The following PTPRK variants were observed in gnomAD, a reference collection of about 807,000 sequenced individuals.
PTPRK encodes protein tyrosine phosphatase receptor type K.
In PTPRK, 75 loss-of-function variants were observed where a neutral mutation model predicts 178.0. That is an observed-to-expected ratio of 0.42 (90% CI 0.35 to 0.51). PTPRK has a LOEUF of 0.51. PTPRK is among the 20% of genes least tolerant of loss of function. PTPRK has a pLI of 0.02. For synonymous variants in PTPRK, 637 were observed against 620.6 expected, an observed-to-expected ratio of 1.03 and a Z score of -0.39; for missense variants, 1,441 against 1,797.8, an observed-to-expected ratio of 0.80 and a Z score of 3.59.
At chr6:128,340,827 T>C (rs769348986) in intron 2 of PTPRK, 1 of 466,876 alleles carries the variant, frequency 2.1e-6, no homozygotes. Context: ...GAAACATCAT[T>C]TGAGTTAATG....
At chr6:127,973,461 T>C (rs1380109839) in intron 28 of PTPRK, among the ~76,000 whole-genome samples, 1 of 152,214 alleles carries the variant, frequency 6.6e-6, no homozygotes, top group Non-Finnish European at 1.5e-5. Flanking sequence ...AGAGTTTAAA[T>C]AATATAGCTA....
chr6:128,155,852 T>C (rs1583254706), intron 7 of PTPRK, among the ~76,000 whole-genome samples: 2 of 151,820 alleles, frequency 1.3e-5, no homozygotes, highest in Admixed American at 6.6e-5. Context: ...TCAAATGTGG[T>C]ATCAGTCATT....
At chr6:128,026,976 T>C (rs1774419614) in intron 13 of PTPRK, among the ~76,000 whole-genome samples, 1 of 152,132 alleles carries the variant, frequency 6.6e-6, no homozygotes, top group East Asian at 1.9e-4. Flanking sequence ...TCAATTTCAG[T>C]GCTATATATG....
At chr6:128,200,231 GT>G in intron 6 of PTPRK, among the ~76,000 whole-genome samples, 1 of 152,210 alleles carries the variant, frequency 6.6e-6, no homozygotes, top group South Asian at 2.1e-4. Flanking sequence ...CATTGCCACT[GT>G]TAGTTCAGAG....
chr6:128,201,437 T>C (rs1805933675), intron 6 of PTPRK, among the ~76,000 whole-genome samples: 1 of 152,210 alleles, frequency 6.6e-6, no homozygotes, highest in African/African-American at 2.4e-5. Flanking sequence ...TGTGCGTATG[T>C]TTACAGTAGT....
chr6:128,149,267 C>T (rs753651185), intron 7 of PTPRK, among the ~76,000 whole-genome samples: 4 of 151,516 alleles, frequency 2.6e-5, no homozygotes, highest in Non-Finnish European at 5.9e-5. Context: ...CAAACCTGCA[C>T]ATTGTGCACA....
At chr6:128,304,262 T>C (rs1287451561) in intron 3 of PTPRK, among the ~76,000 whole-genome samples, 1 of 152,176 alleles carries the variant, frequency 6.6e-6, no homozygotes, top group African/African-American at 2.4e-5. Flanking sequence ...ACTCACAAAT[T>C]AACAAGTTTT....
chr6:128,134,243 A>G (rs1562646316), intron 7 of PTPRK, among the ~76,000 whole-genome samples: 1 of 152,202 alleles, frequency 6.6e-6, no homozygotes, highest in Non-Finnish European at 1.5e-5. Context: ...CCTGAGTTTG[A>G]ACTGCTCCTT....
chr6:128,123,135 T>G (rs1371001676), intron 7 of PTPRK, among the ~76,000 whole-genome samples: 1 of 152,028 alleles, frequency 6.6e-6, no homozygotes, highest in Admixed American at 6.6e-5. Context: ...ATAGGAAAGA[T>G]GAACATGAGA....
intron 1 of PTPRK, among the ~76,000 whole-genome samples, chr6:128,398,339 G>A (rs767109562): frequency 6.6e-6 from 1 of 152,154 alleles, no homozygotes; most frequent in Non-Finnish European, 1.5e-5. Flanking sequence ...AGTTTGCAAA[G>A]GGAGTACGCT....
chr6:128,415,030 G>A (rs969040714), intron 1 of PTPRK, among the ~76,000 whole-genome samples: 41 of 152,216 alleles, frequency 2.7e-4, no homozygotes, highest in African/African-American at 9.4e-4. Flanking sequence ...CATGTTATCC[G>A]ATTCCAAAGC....
chr6:128,006,745 A>G (rs1364027937), intron 14 of PTPRK, among the ~76,000 whole-genome samples: 1 of 151,050 alleles, frequency 6.6e-6, no homozygotes, highest in Non-Finnish European at 1.5e-5. Flanking sequence ...CAATGAAAAA[A>G]TGGCATACAT....
At chr6:128,220,518 T>A (rs1240236603) in intron 5 of PTPRK, among the ~76,000 whole-genome samples, 1 of 152,152 alleles carries the variant, frequency 6.6e-6, no homozygotes, top group Non-Finnish European at 1.5e-5. Flanking sequence ...TAGGGCTATA[T>A]ATGGGAAACA....
At chr6:128,104,250 G>A (rs1205016509) in intron 7 of PTPRK, among the ~76,000 whole-genome samples, 2 of 151,534 alleles carry the variant, frequency 1.3e-5, no homozygotes, top group Non-Finnish European at 2.9e-5. Context: ...TTTTTGAGAC[G>A]GAGTCTCACT....
chr6:128,089,269 G>T (rs1786504887), intron 8 of PTPRK, among the ~76,000 whole-genome samples: 2 of 152,088 alleles, frequency 1.3e-5, no homozygotes, highest in East Asian at 3.9e-4. Flanking sequence ...CGGCCCAACA[G>T]TGTTGTTTTC....
In PTPRK at chr6:127,998,528, G is replaced by T. The variant is rs539755199; in HGVS notation, c.2679+192C>A. 8.6e-5 allele frequency among the ~76,000 whole-genome samples: 13 copies of T among 151,844 alleles called. No homozygotes were observed. In the East Asian group the frequency reaches 2.5e-3, roughly 30 times the overall value. ...ATAAATTTAGACTCATATATCTCTGGGAAGTGCTTTTTTCCCCATTCCCTT... is the reference window on the plus strand; with the variant it reads ...ATAAATTTAGACTCATATATCTCTGTGAAGTGCTTTTTTCCCCATTCCCTT... On this transcript the variant is annotated intron_variant, in intron 16 of 29. Transcript: ENST00000368226.
intron 3 of PTPRK, among the ~76,000 whole-genome samples, chr6:128,313,904 T>C (rs1827615245): frequency 6.6e-6 from 1 of 152,166 alleles, no homozygotes; most frequent in African/African-American, 2.4e-5. Context: ...ATAGGGTCCC[T>C]TGATAAAAAT....
At chr6:128,275,889 T>C (rs1820644448) in intron 3 of PTPRK, among the ~76,000 whole-genome samples, 1 of 152,100 alleles carries the variant, frequency 6.6e-6, no homozygotes. Flanking sequence ...CTTATTTTTC[T>C]TTGCCACATG....
At chr6:128,265,578 C>G (rs1818821711) in intron 3 of PTPRK, among the ~76,000 whole-genome samples, 3 of 152,102 alleles carry the variant, frequency 2.0e-5, no homozygotes, top group Admixed American at 1.3e-4. Flanking sequence ...GCACCAGATT[C>G]TAACCCAGAT....
Sources: allele counts gnomAD v4.1 joint callset (sites outside exome capture counted in the v4.1 genomes callset), GRCh38; gene constraint gnomAD v4.1.1; transcripts MANE v1.5; gene names NCBI Gene and HGNC (gene_info 2026-07-23, HGNC 2026-07-21).